Variants in SMYD3 observed in about 807,000 individuals in gnomAD.
SMYD3 encodes SET and MYND domain containing 3, also known as histone-lysine N-methyltransferase SMYD3.
Under a neutral mutation model 57.7 loss-of-function variants are expected in SMYD3, and 36 were observed. The observed-to-expected ratio is 0.62, with a 90% CI of 0.48 to 0.82. The LOEUF (loss-of-function observed/expected upper bound fraction) is 0.82. Among genes scored for constraint, SMYD3 ranks in the 40% least tolerant of loss-of-function variants. SMYD3 has a pLI of 0.00. For synonymous variants in SMYD3, 211 were observed against 195.0 expected, an observed-to-expected ratio of 1.08 and a Z score of -0.68; for missense variants, 515 against 538.8, an observed-to-expected ratio of 0.96 and a Z score of 0.44.
intron 11 of SMYD3, among the ~76,000 whole-genome samples, chr1:245,760,480 A>G (rs2045800047): frequency 6.6e-6 from 1 of 152,184 alleles, no homozygotes; most frequent in African/African-American, 2.4e-5. Context: ...GGATACATTC[A>G]GGCCATCCCT....
chr1:246,364,229 A>AT (rs2066059791), intron 1 of SMYD3, among the ~76,000 whole-genome samples: 1 of 152,106 alleles, frequency 6.6e-6, no homozygotes, highest in Non-Finnish European at 1.5e-5. Context: ...AGCCAAAAAA[A>AT]AAAAAAAAAA....
intron 2 of SMYD3, among the ~76,000 whole-genome samples, chr1:246,346,487 C>T (rs900772024): frequency 2.6e-4 from 39 of 149,862 alleles, no homozygotes; most frequent in African/African-American, 8.4e-4. Context: ...TAAAGGAAGA[C>T]GTTTAATTGA....
intron 5 of SMYD3, among the ~76,000 whole-genome samples, chr1:246,180,893 C>A (rs1253057497): frequency 6.9e-6 from 1 of 145,352 alleles, no homozygotes; most frequent in African/African-American, 2.6e-5. Context: ...CTGACAGAAA[C>A]AGAGAAAGAG....
intron 5 of SMYD3, among the ~76,000 whole-genome samples, chr1:246,267,010 A>G (rs555694438): frequency 2.0e-5 from 3 of 152,280 alleles, no homozygotes; most frequent in African/African-American, 7.2e-5. Flanking sequence ...ATGGATAGTT[A>G]TATCTAGTTT....
At chr1:245,754,294 A>T (rs1358576800) in intron 11 of SMYD3, among the ~76,000 whole-genome samples, 1 of 152,160 alleles carries the variant, frequency 6.6e-6, no homozygotes, top group Non-Finnish European at 1.5e-5. Flanking sequence ...CAAGGATCTC[A>T]AACAGTTTCT....
At chr1:246,328,528 C>T (rs958551673) in intron 4 of SMYD3, among the ~76,000 whole-genome samples, 12 of 152,214 alleles carry the variant, frequency 7.9e-5, no homozygotes, top group African/African-American at 2.6e-4. Context: ...TGAAAAGATA[C>T]ATCAAGTTGA....
chr1:245,852,103 C>T (rs2051005097), intron 10 of SMYD3, among the ~76,000 whole-genome samples: 1 of 152,178 alleles, frequency 6.6e-6, no homozygotes, highest in African/African-American at 2.4e-5. Context: ...TGCTGTCATC[C>T]AAAGCTCTGT....
chr1:245,795,793 G>A (rs2047497057), intron 10 of SMYD3, among the ~76,000 whole-genome samples: 1 of 152,090 alleles, frequency 6.6e-6, no homozygotes, highest in African/African-American at 2.4e-5. Flanking sequence ...AGCACTGAAC[G>A]CTCTTGTCCC....
At position 246,470,643 on chromosome 1, in the gene SMYD3, A is replaced by G. The variant is rs548071159; in HGVS notation, c.164+36411T>C. Among the ~76,000 whole-genome samples the G allele has an allele frequency of 1.5e-4, 22 of 146,414 alleles. 1 individual carries two copies. In the South Asian group the frequency reaches 4.2e-3, roughly 28 times the overall value. The stretch of plus-strand genomic sequence containing the variant: ...TATATACACACTATATATATAGTGT[A>G]TGTATGTGTATATATACAGTGCATA... On this transcript the variant is annotated intron_variant, in intron 1 of 11. Transcript: ENST00000490107.
chr1:245,960,427 G>A (rs1002615525), intron 5 of SMYD3, among the ~76,000 whole-genome samples: 21 of 152,152 alleles, frequency 1.4e-4, no homozygotes, highest in African/African-American at 5.1e-4. Context: ...AAAACCAACT[G>A]ATAGATTGGT....
intron 1 of SMYD3, among the ~76,000 whole-genome samples, chr1:246,469,626 G>T (rs78223820): frequency 0.013 from 1,939 of 152,204 alleles, 42 homozygotes; most frequent in African/African-American, 0.044. Context: ...AGGAACCCAT[G>T]AGTCCATACT....
intron 10 of SMYD3, among the ~76,000 whole-genome samples, chr1:245,849,559 CCTCT>C (rs749012057): frequency 8.1e-4 from 123 of 151,994 alleles, no homozygotes; most frequent in Admixed American, 2.0e-3. Flanking sequence ...AGAACTTGGG[CCTCT>C]CTAAGGTGGT....
chr1:245,786,196 T>A, intron 10 of SMYD3, among the ~76,000 whole-genome samples: 3 of 106,638 alleles, frequency 2.8e-5, no homozygotes, highest in Non-Finnish European at 5.0e-5. Context: ...AAGCACTGAG[T>A]TGAGTTGGGG....
At chr1:246,224,708 G>C (rs1283551617) in intron 5 of SMYD3, among the ~76,000 whole-genome samples, 3 of 151,956 alleles carry the variant, frequency 2.0e-5, no homozygotes, top group African/African-American at 7.3e-5. Context: ...AGACTATACT[G>C]GTGGCAAAGA....
At chr1:245,941,972 A>G (rs1162649310) in intron 5 of SMYD3, among the ~76,000 whole-genome samples, 1 of 152,212 alleles carries the variant, frequency 6.6e-6, no homozygotes, top group Non-Finnish European at 1.5e-5. Context: ...AGAGCTCCTA[A>G]AGGAAGCACT....
At chr1:246,433,386 C>G (rs917138420) in intron 1 of SMYD3, among the ~76,000 whole-genome samples, 4 of 152,182 alleles carry the variant, frequency 2.6e-5, no homozygotes, top group African/African-American at 9.7e-5. Context: ...TGGCCACACT[C>G]GCGGTGGCTC....
intron 5 of SMYD3, among the ~76,000 whole-genome samples, chr1:246,185,265 T>C (rs1353768591): frequency 1.3e-5 from 2 of 152,020 alleles, no homozygotes; most frequent in Non-Finnish European, 2.9e-5. Context: ...GGAGGCAGAG[T>C]CTTGCTCTAT....
intron 5 of SMYD3, among the ~76,000 whole-genome samples, chr1:246,175,475 CTCCAGACTTGAAAA>C (rs2062416232): frequency 6.6e-6 from 1 of 152,150 alleles, no homozygotes; most frequent in Non-Finnish European, 1.5e-5. Context: ...TACAGAAGTA[CTCCAGACTTGAAAA>C]TCCCTCTACC....
chr1:245,849,512 T>C (rs1188430933), intron 10 of SMYD3, among the ~76,000 whole-genome samples: 1 of 152,030 alleles, frequency 6.6e-6, no homozygotes, highest in East Asian at 1.9e-4. Context: ...TTAGGAGAGT[T>C]CTCTAGAACC....
Sources: gnomAD v4.1 joint callset for allele counts (sites outside exome capture counted in the v4.1 genomes callset) on GRCh38, gnomAD v4.1.1 for gene constraint, MANE v1.5 for transcripts, NCBI Gene and HGNC (gene_info 2026-07-23, HGNC 2026-07-21) for gene names.